Variants in TMC5 observed in about 807,000 individuals in gnomAD.
TMC5 encodes the protein transmembrane channel-like protein 5.
In TMC5, 86 loss-of-function variants were observed where a neutral mutation model predicts 110.5. The ratio of observed to expected loss-of-function variants is 0.78; its 90% confidence interval spans 0.65 to 0.93. TMC5 has a LOEUF of 0.93. TMC5 is among the 40% of genes least tolerant of loss of function. The pLI is 0.00. For missense variants in TMC5, 1,144 were observed against 1,222.8 expected, an observed-to-expected ratio of 0.94 and a Z score of 0.96; for synonymous variants, 455 against 439.5, an observed-to-expected ratio of 1.04 and a Z score of -0.44.
chr16:19,494,128 A>G, intron 19 of TMC5, 134 bp from the exon 20 acceptor site: 1 of 684,456 alleles, frequency 1.5e-6, no homozygotes. Flanking sequence ...AAAAGATGGC[A>G]GTAACCTCCA....
At chr16:19,492,495 GAGTGC>G (rs1375571908) in intron 19 of TMC5, among the ~76,000 whole-genome samples, 1 of 152,062 alleles carries the variant, frequency 6.6e-6, no homozygotes, top group African/African-American at 2.4e-5. Flanking sequence ...GCCCAGGCTG[GAGTGC>G]AGTGGTGCAA....
At chr16:19,437,614 G>A (rs1212849749) in intron 2 of TMC5, among the ~76,000 whole-genome samples, 1 of 152,146 alleles carries the variant, frequency 6.6e-6, no homozygotes, top group Non-Finnish European at 1.5e-5. Context: ...AGTTGGCTGA[G>A]CTTTAAAAAT....
intron 1 of TMC5, 48 bp from the exon 2 acceptor site, chr16:19,430,365 G>T (rs1246426141): frequency 6.6e-6 from 1 of 152,192 alleles, no homozygotes; most frequent in African/African-American, 2.4e-5. Flanking sequence ...TGTACAGTAT[G>T]AGCCCATCTT....
intron 15 of TMC5, 73 bp from the exon 16 acceptor site, chr16:19,486,872 C>A: frequency 4.4e-6 from 6 of 1,365,330 alleles, no homozygotes; most frequent in South Asian, 3.6e-5. Flanking sequence ...TCTCTTCCCC[C>A]CAACCATCCC....
At chr16:19,439,856 C>G (rs1967438785) in intron 2 of TMC5, 104 bp from the exon 3 acceptor site, 2 of 592,310 alleles carry the variant, frequency 3.4e-6, no homozygotes, top group South Asian at 4.3e-5. Flanking sequence ...AGTTGTGTAC[C>G]TGACTACGAA....
chr16:19,450,596 G>A (rs752691406), intron 5 of TMC5, among the ~76,000 whole-genome samples: 13 of 150,208 alleles, frequency 8.7e-5, no homozygotes, highest in East Asian at 1.9e-4. Flanking sequence ...CAGAGAACAC[G>A]GCCAATAGCA....
At chr16:19,475,701 C>T (rs1321853740) in intron 12 of TMC5, among the ~76,000 whole-genome samples, 4 of 152,004 alleles carry the variant, frequency 2.6e-5, no homozygotes, top group South Asian at 2.1e-4. Flanking sequence ...CTGCATTTTG[C>T]GTTCTTCAAA....
Position 19,466,098 on chromosome 16 carries a change from C to T in TMC5, c.1502C>T (p.Thr501Ile). Residue 501 changes from threonine to isoleucine, a missense_variant, in exon 9 of 22, where the codon ACA becomes ATA. By Grantham distance (89) the Thr-to-Ile change is moderately conservative. Coordinates refer to ENST00000542583, the MANE Select transcript of TMC5 (RefSeq NM_001261841.2). ...ACCTTTCAGGGTTATTTTAGGGACA[C>T]AGTGATGTACTATGGCTTTTACACC... ...FFTGVGYFRD[T>I]VMYYGFYTNS... The T allele has an allele frequency of 6.2e-7, 1 of 1,613,932 alleles. No individual in the cohort carries two copies. The highest frequency in any genetic ancestry group is 2.2e-5 in the East Asian group (1 of 44,880).
At chr16:19,471,513 C>G (rs72785319) in intron 10 of TMC5, among the ~76,000 whole-genome samples, 1 of 152,224 alleles carries the variant, frequency 6.6e-6, no homozygotes, top group East Asian at 1.9e-4. Flanking sequence ...AACATGGTCC[C>G]GATCTATTAA....
intron 1 of TMC5, among the ~76,000 whole-genome samples, chr16:19,420,432 A>T (rs551727532): frequency 6.6e-6 from 1 of 151,072 alleles, no homozygotes; most frequent in African/African-American, 2.4e-5. Flanking sequence ...GTCTCAAAAA[A>T]AAAAATAAAA....
intron 9 of TMC5, among the ~76,000 whole-genome samples, chr16:19,466,596 C>A (rs991748666): frequency 6.6e-6 from 1 of 152,218 alleles, no homozygotes; most frequent in Non-Finnish European, 1.5e-5. Flanking sequence ...AGGTGGTCCA[C>A]CCGCCTCGGC....
rs1968655722 is a variant in TMC5, at chr16:19,483,062, T to C, written c.2363+1597T>C. ...TATTAGTAGAGACAGGGTTTCACTA[T>C]GTTGGCCAGACTGGTTTTGAGCTCC... On this transcript the variant is annotated intron_variant, in intron 15 of 21. Coordinates refer to ENST00000542583, the MANE Select transcript of TMC5 (RefSeq NM_001261841.2). Among the ~76,000 whole-genome samples, 5 of 152,150 alleles carry C rather than the reference T, an allele frequency of 3.3e-5. No individual in the cohort carries two copies. The South Asian group carries it at 1.0e-3, about 32-fold the overall frequency.
intron 5 of TMC5, among the ~76,000 whole-genome samples, chr16:19,454,859 T>C (rs558234563): frequency 5.9e-5 from 9 of 152,190 alleles, no homozygotes; most frequent in African/African-American, 2.2e-4. Flanking sequence ...GAAGTGTGGG[T>C]TAGGTGCAAT....
At chr16:19,460,196 A>G in intron 5 of TMC5, 39 bp from the exon 6 acceptor site, 1 of 1,518,890 alleles carries the variant, frequency 6.6e-7, no homozygotes. Flanking sequence ...GATTCTGTTA[A>G]AGAAAAAAGA....
At chr16:19,493,550 T>C (rs141597411) in intron 19 of TMC5, among the ~76,000 whole-genome samples, 1 of 151,660 alleles carries the variant, frequency 6.6e-6, no homozygotes, top group Admixed American at 6.6e-5. Context: ...AACTTCTGCC[T>C]CCTGGGTTCA....
intron 13 of TMC5, among the ~76,000 whole-genome samples, chr16:19,478,039 TAC>T (rs1380323287): frequency 2.6e-5 from 4 of 152,222 alleles, no homozygotes; most frequent in South Asian, 4.1e-4. Flanking sequence ...TTCACTTAAC[TAC>T]AGTTTCTAGT....
intron 5 of TMC5, chr16:19,456,650 G>A (rs1288020119): frequency 1.9e-6 from 3 of 1,564,404 alleles, no homozygotes; most frequent in Non-Finnish European, 1.7e-6. Context: ...TGTGACTGCT[G>A]TATGAAGTCT....
At chr16:19,461,892 C>T (rs1374323323) in intron 6 of TMC5, among the ~76,000 whole-genome samples, 1 of 152,046 alleles carries the variant, frequency 6.6e-6, no homozygotes, top group Non-Finnish European at 1.5e-5. Context: ...GTAAATCAGG[C>T]CAAGTCAAAA....
intron 12 of TMC5, among the ~76,000 whole-genome samples, chr16:19,475,935 C>T (rs1404276017): frequency 6.6e-6 from 1 of 151,918 alleles, no homozygotes; most frequent in East Asian, 1.9e-4. Flanking sequence ...CTTCCTCTCC[C>T]ACAGTTTATG....
Sources: allele counts gnomAD v4.1 joint callset (sites outside exome capture counted in the v4.1 genomes callset), GRCh38; gene constraint gnomAD v4.1.1; transcripts MANE v1.5; gene names NCBI Gene and HGNC (gene_info 2026-07-23, HGNC 2026-07-21).